SAP130: variants seen among roughly 807,000 people sequenced by gnomAD.
SAP130 encodes the protein histone deacetylase complex subunit SAP130.
Under a neutral mutation model 103.2 loss-of-function variants are expected in SAP130, and 16 were observed. The observed-to-expected ratio is 0.16, with a 90% CI of 0.10 to 0.24. SAP130 has a LOEUF of 0.24. Ranked by LOEUF, SAP130 falls within the 10% of genes least tolerant of loss-of-function variation. The pLI is 1.00. For synonymous variants in SAP130, 477 were observed against 497.0 expected, an observed-to-expected ratio of 0.96 and a Z score of 0.53; for missense variants, 990 against 1,359.7, an observed-to-expected ratio of 0.73 and a Z score of 4.28.
At chr2:128,015,940 CAA>C (rs58340147) in intron 4 of SAP130, among the ~76,000 whole-genome samples, 14 of 97,472 alleles carry the variant, frequency 1.4e-4, no homozygotes, top group Admixed American at 3.5e-4. Flanking sequence ...GATTCTGTCT[CAA>C]AAAAAAAAAA....
Position 127,989,879 on chromosome 2 carries a change from C to T in SAP130, c.1478-13G>A, listed in dbSNP as rs750310174. The T allele has an allele frequency of 5.2e-5, 84 of 1,607,978 alleles. No individual in the cohort carries two copies. In the South Asian group the frequency reaches 7.1e-4, roughly 14 times the overall value. On this transcript the variant is annotated splice_polypyrimidine_tract_variant and intron_variant, in intron 12 of 20. Coordinates refer to ENST00000643581, the MANE Select transcript of SAP130 (RefSeq NM_001330301.2). This position sits in a 1 kb window ranked among gnomAD's most constrained non-coding sequence, Gnocchi z 4.6. The stretch of plus-strand genomic sequence containing the variant: ...GCCTGAGCTGAAACTAAAAATGATG[C>T]GAAAGGTAACTATAAGAAGGTTAGC...
intron 1 of SAP130, chr2:128,027,249 C>T: frequency 8.4e-7 from 1 of 1,186,636 alleles, no homozygotes; most frequent in Non-Finnish European, 1.0e-6. Context: ...CCCCGCTGGC[C>T]CCACTCACCC....
chr2:127,978,961 G>A (rs1170286489), intron 14 of SAP130, among the ~76,000 whole-genome samples: 1 of 152,180 alleles, frequency 6.6e-6, no homozygotes, highest in Non-Finnish European at 1.5e-5. Flanking sequence ...TCTTTAAGAA[G>A]ATACATGTAA....
At chr2:127,980,125 C>T (rs1286085527) in intron 14 of SAP130, among the ~76,000 whole-genome samples, 10 of 151,956 alleles carry the variant, frequency 6.6e-5, no homozygotes, top group Admixed American at 2.0e-4. Context: ...ATGATCTGCC[C>T]GCCTTGGCCT....
rs748226527 is a variant in SAP130 at position 127,942,462 on chromosome 2, TTGC to T, written c.2974_2976del (p.Ala992del). ...TTTATTCGGTGGAGATCATCATCTG[TTGC>T]TGCTTTTTTCTTTGGGATAATCCCT... On this transcript the variant is annotated inframe_deletion, in exon 20 of 21. Coordinates refer to ENST00000643581, the MANE Select transcript of SAP130 (RefSeq NM_001330301.2). The surrounding 1 kb of genome is among the most constrained non-coding windows in gnomAD (Gnocchi z 4.8). 6 of 1,613,910 alleles carry T rather than the reference TTGC, an allele frequency of 3.7e-6. No individual in the cohort carries two copies. Among genetic ancestry groups the T allele is most frequent in the South Asian group, 2.2e-5 (2 of 91,074 alleles).
At chr2:127,954,961 G>A (rs1445869595) in intron 16 of SAP130, 25 bp downstream of exon 16, 1 of 1,516,442 alleles carries the variant, frequency 6.6e-7, no homozygotes, top group Non-Finnish European at 9.0e-7. Context: ...ATTGCCAATG[G>A]AGAGTATTCT....
chr2:127,993,160 A>G (rs749870631), intron 12 of SAP130, 27 bp downstream of exon 12: 1 of 1,612,888 alleles, frequency 6.2e-7, no homozygotes, highest in Admixed American at 1.7e-5. Context: ...AAACTGTGAA[A>G]AGTCATCTAA....
intron 17 of SAP130, 71 bp from the exon 18 acceptor site, chr2:127,950,065 G>A: frequency 6.2e-7 from 1 of 1,604,338 alleles, no homozygotes; most frequent in East Asian, 2.2e-5. Flanking sequence ...TCCAGTAAGT[G>A]AGGTACGAGT....
chr2:127,978,947 G>C (rs1681665708), intron 14 of SAP130, among the ~76,000 whole-genome samples: 1 of 152,242 alleles, frequency 6.6e-6, no homozygotes. Context: ...CAGTTGAACT[G>C]AGTTCTTTAA....
Position 127,996,544 on chromosome 2 carries a change from G to T in SAP130, c.1214-53C>A. ...ACCATTCTACACTTTTTTTTGGCAT[G>T]CCAAAACATTCTTGGCTAGCAGCAA... On this transcript the variant is annotated intron_variant, in intron 10 of 20. Transcript: ENST00000643581. The surrounding 1 kb of genome is among the most constrained non-coding windows in gnomAD (Gnocchi z 4.3). The T allele has an allele frequency of 7.2e-7, 1 of 1,397,040 alleles. No individual in the cohort carries two copies. Among genetic ancestry groups the T allele is most frequent in the Non-Finnish European group, 9.4e-7 (1 of 1,059,624 alleles). 86.5% of individuals were successfully genotyped at this position (1,397,040 alleles called of 1,614,324 possible).
At chr2:127,992,285 C>A (rs1437162719) in intron 12 of SAP130, among the ~76,000 whole-genome samples, 1 of 123,556 alleles carries the variant, frequency 8.1e-6, no homozygotes, top group Non-Finnish European at 1.7e-5. Context: ...GGCAATAAGG[C>A]TTTTTTTTTT....
intron 15 of SAP130, among the ~76,000 whole-genome samples, chr2:127,957,889 T>C (rs1679956551): frequency 6.6e-6 from 1 of 151,794 alleles, no homozygotes. Context: ...ACCTGACAAA[T>C]AAGAGTTTCC....
chr2:127,945,916 G>A (rs374512241), intron 18 of SAP130, among the ~76,000 whole-genome samples: 1 of 152,206 alleles, frequency 6.6e-6, no homozygotes, highest in Non-Finnish European at 1.5e-5. Flanking sequence ...GCCTCCCAAA[G>A]TGTTGGGATT....
intron 14 of SAP130, among the ~76,000 whole-genome samples, chr2:127,978,400 T>C (rs1214933685): frequency 2.0e-5 from 3 of 152,200 alleles, no homozygotes; most frequent in Non-Finnish European, 4.4e-5. Flanking sequence ...CCACATCTCC[T>C]TTCTACTTAA....
In SAP130 at chr2:127,953,646, C is replaced by T. The variant is rs1332654690; in HGVS notation, c.2422+1340G>A. ...TCTTTGCTATATTTTGAGCACATCA[C>T]GCATGCTCCTATCTCAAGATTTTTG... is the stretch of plus-strand genomic sequence containing the variant. On this transcript the variant is annotated intron_variant, in intron 16 of 20. Transcript: ENST00000643581. The surrounding 1 kb of genome is among the most constrained non-coding windows in gnomAD (Gnocchi z 4.0). Among the ~76,000 whole-genome samples the T allele has an allele frequency of 6.6e-6, 1 of 152,146 alleles. No homozygotes were observed. Among genetic ancestry groups the T allele is most frequent in the African/African-American group, 2.4e-5 (1 of 41,418 alleles).
chr2:128,018,557 C>CAAGGCAAA (rs1219134732), intron 2 of SAP130, among the ~76,000 whole-genome samples: 1 of 150,274 alleles, frequency 6.7e-6, no homozygotes, highest in Non-Finnish European at 1.5e-5. Flanking sequence ...TTTGAGAGGC[C>CAAGGCAAA]AAGGCAAACA....
intron 10 of SAP130, among the ~76,000 whole-genome samples, chr2:127,999,122 C>T (rs1174868210): frequency 2.6e-5 from 4 of 152,176 alleles, no homozygotes; most frequent in Non-Finnish European, 4.4e-5. Context: ...TAGTAGCACC[C>T]TCTGTGCTAA....
At position 127,989,829 on chromosome 2, in the gene SAP130, C is replaced by G; in HGVS notation, c.1515G>C (p.Gln505His). 6.2e-7 allele frequency: 1 copy of G among 1,614,140 alleles called. No homozygotes were observed. The highest frequency in any genetic ancestry group is 8.5e-7 in the Non-Finnish European group (1 of 1,180,018). The change falls in exon 13 of 21, where the codon CAG becomes CAC. Residue 505 changes from glutamine to histidine, a missense_variant. Gln to His is a conservative substitution (Grantham distance 24, BLOSUM62 0). This residue lies in a region of SAP130 where 336 missense variants were observed against 520.1 expected (regional missense o/e 0.65). Transcript: ENST00000643581. The surrounding 1 kb of genome is among the most constrained non-coding windows in gnomAD (Gnocchi z 4.6). ...CGGTAGACGCTACCCCAACACCAGT[C>G]TGAGCTGTGATGGCAGAGTTTGGAG... ...AQAPNSAITA[Q>H]TGVGVASTVH...
chr2:127,978,079 G>A lies in SAP130; in HGVS notation c.1969C>T (p.Arg657Trp), dbSNP rs1394095459. The A allele has an allele frequency of 5.8e-6, 9 of 1,551,334 alleles. No individual in the cohort carries two copies. The highest frequency in any genetic ancestry group is 2.4e-5 in the East Asian group (1 of 40,932). ...KKPATDGMAV[R>W]KTLIPPQPPD... ...GGCTGAGGAGGAATGAGGGTTTTCC[G>A]AACTGCCATTCTGAAAGAGACAAGA... The change falls in exon 15 of 21, where the codon CGG (arginine) becomes TGG (tryptophan). Residue 657 changes from arginine to tryptophan, a missense_variant. Transcript: ENST00000643581.
Sources: gnomAD v4.1 joint callset for allele counts (sites outside exome capture counted in the v4.1 genomes callset) on GRCh38, gnomAD v4.1.1 for gene constraint, gnomAD v4.1.1 regional missense constraint, Gnocchi (gnomAD v3.1) non-coding constraint, MANE v1.5 for transcripts, NCBI Gene and HGNC (gene_info 2026-07-23, HGNC 2026-07-21) for gene names.